Variants in GPR34 observed in about 807,000 individuals in gnomAD.
The protein encoded by GPR34 is G protein-coupled receptor 34.
A neutral mutation model predicts 14.1 loss-of-function variants in GPR34; 3 were observed. That is an observed-to-expected ratio of 0.21 (90% CI 0.10 to 0.55). The LOEUF is 0.55. GPR34 is among the 20% of genes least tolerant of loss of function. GPR34 has a pLI of 0.94. For synonymous variants in GPR34, 99 were observed against 99.9 expected (o/e 0.99, Z 0.05); for missense variants, 213 against 292.8 (o/e 0.73, Z 1.99).
At chrX:41,690,662 AT>A (rs111335059) in intron 2 of GPR34, among the ~76,000 whole-genome samples, 146 of 85,756 alleles carry the variant, frequency 1.7e-3, no homozygotes, top group Middle Eastern at 8.1e-3. Context: ...CTCCCGGCCA[AT>A]TTTTTTTTTT....
intron 2 of GPR34, among the ~76,000 whole-genome samples, chrX:41,691,676 G>C (rs779113087): frequency 1.3e-3 from 135 of 107,930 alleles, no homozygotes; most frequent in Non-Finnish European, 2.5e-3. Flanking sequence ...GGCCAACATA[G>C]TGAAACTCCG....
At chrX:41,689,401 A>C (rs2067500629) in intron 1 of GPR34, among the ~76,000 whole-genome samples, 1 of 112,212 alleles carries the variant, frequency 8.9e-6, no homozygotes, top group South Asian at 3.6e-4. Context: ...GCATGAATTA[A>C]AAGTTATTTT....
intron 2 of GPR34, among the ~76,000 whole-genome samples, chrX:41,694,882 G>A (rs1199898361): frequency 1.8e-5 from 2 of 111,750 alleles, no homozygotes; most frequent in East Asian, 2.8e-4. Flanking sequence ...CAAGTCACAC[G>A]CCATGTAGCA....
Position 41,696,352 on chromosome X carries a change from A to C in GPR34, c.719A>C (p.Lys240Thr). ...IFLLIILSYI[K>T]IGKNLLRISK... ...TTACTAATAATCCTTTCATATATTA[A>C]GATTGGGAAGAATCTATTGAGGATT... The change falls in exon 3 of 3, where the codon AAG becomes ACG. Residue 240 changes from lysine (K) to threonine (T), a missense_variant. Physicochemically the swap from Lys to Thr is moderately conservative, Grantham distance 78. Coordinates refer to ENST00000378142, the MANE Select transcript of GPR34 (RefSeq NM_001097579.2). 1 of 1,170,950 alleles carries C rather than the reference A, an allele frequency of 8.5e-7. No homozygotes were observed.
intron 2 of GPR34, among the ~76,000 whole-genome samples, chrX:41,695,199 A>C (rs929602955): frequency 3.6e-5 from 4 of 112,118 alleles, no homozygotes; most frequent in African/African-American, 1.3e-4. Flanking sequence ...TCCATGAGAT[A>C]CCACACTATG....
At chrX:41,690,126 G>T (rs2067516263) in intron 2 of GPR34, among the ~76,000 whole-genome samples, 1 of 111,351 alleles carries the variant, frequency 9.0e-6, no homozygotes, top group Non-Finnish European at 1.9e-5. Context: ...ATAGCACATG[G>T]GTCACAAGTA....
intron 2 of GPR34, among the ~76,000 whole-genome samples, chrX:41,691,045 A>G (rs6651617): frequency 0.021 from 2,362 of 112,215 alleles, 65 homozygotes; most frequent in African/African-American, 0.072. Context: ...CTATTATAAC[A>G]TAAACAAATG....
chrX:41,695,552 T>C lies in GPR34; in HGVS notation c.-79-3T>C, dbSNP rs2067669452. 1.6e-6 allele frequency: 1 copy of C among 619,413 alleles called. No homozygotes were observed. The highest frequency in any genetic ancestry group is 2.6e-6 in the Non-Finnish European group (1 of 389,325). The allele number at this position is 619,413 out of a possible 1,213,427, so 51.0% of individuals were successfully genotyped here. On this transcript the variant is annotated splice_region_variant and splice_polypyrimidine_tract_variant and intron_variant, in intron 2 of 2. Transcript: ENST00000378142. ...TGACTCAATGTTTGGCATTCCGTTG[T>C]AGGAAAAATCTGAAGACATAAGAAC...
intron 2 of GPR34, 62 bp from the exon 3 acceptor site, chrX:41,695,492 CT>C (rs1443408746): frequency 1.5e-5 from 7 of 460,153 alleles, no homozygotes; most frequent in Non-Finnish European, 2.3e-5. Context: ...ATTATTTACA[CT>C]TTTAGTTAAA....
chrX:41,692,866 T>G (rs748167966), intron 2 of GPR34, among the ~76,000 whole-genome samples: 5 of 112,359 alleles, frequency 4.5e-5, no homozygotes, highest in African/African-American at 1.6e-4. Flanking sequence ...GATAGAGCAA[T>G]TGCAATTGTG....
chrX:41,695,736 C>T lies in GPR34; in HGVS notation c.103C>T (p.Gln35Ter). The T allele has an allele frequency of 8.3e-7, 1 of 1,209,283 alleles. No individual in the cohort carries two copies. Among genetic ancestry groups the T allele is most frequent in the Non-Finnish European group, 1.1e-6 (1 of 893,364 alleles). The change falls in exon 3 of 3, where the codon CAA becomes TAA. Residue 35 changes from glutamine to a stop codon, truncating the protein, a stop_gained. Coordinates refer to ENST00000378142, the MANE Select transcript of GPR34 (RefSeq NM_001097579.2). LOFTEE classifies it high-confidence loss of function. ...AACCAATCATAGCGACCAACCGCCA[C>T]AAAACTTCTCAGCAACACCAAATGT... The part of the protein sequence containing the change: ...FITNHSDQPP[Q>*]NFSATPNVTT...
Position 41,695,547 on chromosome X carries a change from C to T in GPR34, c.-79-8C>T, listed in dbSNP as rs1300194261. On this transcript the variant is annotated splice_region_variant and splice_polypyrimidine_tract_variant and intron_variant, in intron 2 of 2. Coordinates refer to ENST00000378142, the MANE Select transcript of GPR34 (RefSeq NM_001097579.2). ...GCAAATGACTCAATGTTTGGCATTC[C>T]GTTGTAGGAAAAATCTGAAGACATA... 21 of 584,865 alleles carry T rather than the reference C, an allele frequency of 3.6e-5. No individual in the cohort carries two copies. The highest frequency in any genetic ancestry group is 9.4e-5 in the South Asian group (3 of 31,760). 48.2% of individuals were successfully genotyped at this position (584,865 alleles called of 1,213,427 possible).
chrX:41,695,563 T>C lies in GPR34; in HGVS notation c.-71T>C. 1 of 713,366 alleles carries C rather than the reference T, an allele frequency of 1.4e-6. No homozygotes were observed. Among genetic ancestry groups the C allele is most frequent in the Non-Finnish European group, 2.1e-6 (1 of 473,417 alleles). 58.8% of individuals were successfully genotyped at this position (713,366 alleles called of 1,213,427 possible). On this transcript the variant is annotated 5_prime_UTR_variant, in exon 3 of 3. Coordinates refer to ENST00000378142, the MANE Select transcript of GPR34 (RefSeq NM_001097579.2). ...TTGGCATTCCGTTGTAGGAAAAATC[T>C]GAAGACATAAGAACTACACATGAGG...
chrX:41,696,409 G>T lies in GPR34; in HGVS notation c.776G>T (p.Gly259Val). ...AGGAGGTCAAAATTTCCTAATTCTG[G>T]TAAATATGCCACTACAGCTCGTAAC... is the stretch of plus-strand genomic sequence containing the variant. Reference protein sequence around the residue: ...SKRRSKFPNSGKYATTARNSF... With the variant: ...SKRRSKFPNSVKYATTARNSF... Residue 259 changes from glycine (G) to valine (V), a missense_variant, in exon 3 of 3, where the codon GGT (glycine) becomes GTT (valine). Physicochemically the swap from Gly to Val is moderately radical, Grantham distance 109. Coordinates refer to ENST00000378142, the MANE Select transcript of GPR34 (RefSeq NM_001097579.2). The T allele has an allele frequency of 8.5e-7, 1 of 1,181,322 alleles. No individual in the cohort carries two copies. Among genetic ancestry groups the T allele is most frequent in the South Asian group, 1.9e-5 (1 of 52,684 alleles).
At position 41,696,345 on chromosome X, in the gene GPR34, T is replaced by C. The variant is rs1204747050; in HGVS notation, c.712T>C (p.Tyr238His). ...WLIFLLIILS[Y>H]IKIGKNLLRI... ...AATTTTCTTACTAATAATCCTTTCA[T>C]ATATTAAGATTGGGAAGAATCTATT... The change falls in exon 3 of 3, where the codon TAT becomes CAT. Residue 238 changes from tyrosine (Y) to histidine (H), a missense_variant. Transcript: ENST00000378142. 1 of 1,168,077 alleles carries C rather than the reference T, an allele frequency of 8.6e-7. No individual in the cohort carries two copies. Among genetic ancestry groups the C allele is most frequent in the Non-Finnish European group, 1.1e-6 (1 of 872,870 alleles).
intron 2 of GPR34, among the ~76,000 whole-genome samples, chrX:41,691,373 A>G (rs1160174253): frequency 3.6e-5 from 4 of 112,305 alleles, no homozygotes; most frequent in African/African-American, 1.3e-4. Flanking sequence ...AAAGAAGTAA[A>G]GCTAGATGGC....
intron 2 of GPR34, among the ~76,000 whole-genome samples, chrX:41,693,188 C>T (rs887403605): frequency 1.8e-5 from 2 of 111,369 alleles, no homozygotes; most frequent in Non-Finnish European, 1.9e-5. Context: ...TATGAGAGCT[C>T]CCTACATAAC....
intron 2 of GPR34, among the ~76,000 whole-genome samples, chrX:41,691,546 T>A (rs1198955621): frequency 1.8e-5 from 2 of 110,746 alleles, no homozygotes; most frequent in African/African-American, 6.6e-5. Context: ...GAGTCCTAAC[T>A]TGGGCACTGT....
In GPR34 at chrX:41,696,260, T is replaced by C; in HGVS notation, c.627T>C (p.Asp209=). 8.3e-7 allele frequency: 1 copy of C among 1,202,911 alleles called. No individual in the cohort carries two copies. The highest frequency in any genetic ancestry group is 1.1e-6 in the Non-Finnish European group (1 of 891,486). ...CCACAATGTGTTTCCATTACAGAGA[T>C]AAGCATAACGCAAAAGGAGAAGCCA... ...HNSTMCFHYR[D]KHNAKGEAIF... Residue 209 remains aspartate, a synonymous_variant, in exon 3 of 3, where the codon GAT becomes GAC. Transcript: ENST00000378142.
Sources: gnomAD v4.1 joint callset for allele counts (sites outside exome capture counted in the v4.1 genomes callset) on GRCh38, gnomAD v4.1.1 for gene constraint, MANE v1.5 for transcripts, NCBI Gene and HGNC (gene_info 2026-07-23, HGNC 2026-07-21) for gene names.